The following FAM120A variants were observed in gnomAD, a reference collection of about 807,000 sequenced individuals.
FAM120A encodes the protein constitutive coactivator of PPAR-gamma-like protein 1.
In FAM120A, 15 loss-of-function variants were observed where a neutral mutation model predicts 109.7. The ratio of observed to expected loss-of-function variants is 0.14; its 90% CI spans 0.09 to 0.21. The LOEUF is 0.21. Among genes scored for constraint, FAM120A ranks in the 10% least tolerant of loss-of-function variants. The probability of loss-of-function intolerance (pLI) is 1.00; values close to 1 mark genes in which losing one functional copy is unlikely to be tolerated. For synonymous variants in FAM120A, 493 were observed against 572.8 expected, an observed-to-expected ratio of 0.86 and a Z score of 1.99; for missense variants, 899 against 1,439.3, an observed-to-expected ratio of 0.62 and a Z score of 6.07.
At position 93,529,109 on chromosome 9, in the gene FAM120A, C is replaced by G. The variant is rs543507196; in HGVS notation, c.1507-244C>G. ...ACAGAACAGCAGGGAGCAACAGGCC[C>G]GCTCTCCTGTGGCACAGTAGATGTT... On this transcript the variant is annotated intron_variant, in intron 8 of 17. Coordinates refer to ENST00000277165, the MANE Select transcript of FAM120A (RefSeq NM_014612.5). 3.3e-5 allele frequency among the ~76,000 whole-genome samples: 5 copies of G among 152,150 alleles called. No homozygotes were observed. In the East Asian group the frequency reaches 7.7e-4, roughly 23 times the overall value.
intron 1 of FAM120A, among the ~76,000 whole-genome samples, chr9:93,457,198 T>C (rs1163643432): frequency 1.3e-5 from 2 of 152,216 alleles, no homozygotes; most frequent in Non-Finnish European, 2.9e-5. Context: ...AATGCTTCTA[T>C]GAGCATAGTA....
rs550072707 is a variant in FAM120A, at chr9:93,457,357, C to T, written c.474+4968C>T. On this transcript the variant is annotated intron_variant, in intron 1 of 17. Coordinates refer to ENST00000277165, the MANE Select transcript of FAM120A (RefSeq NM_014612.5). Reference sequence around the variant, plus strand: ...GCTGTGTAGGCCATATATTTTATGTCATAAGTTATATAATATATATTATTA... The same window carrying T: ...GCTGTGTAGGCCATATATTTTATGTTATAAGTTATATAATATATATTATTA... Among the ~76,000 whole-genome samples, 12 of 151,566 alleles carry T rather than the reference C, an allele frequency of 7.9e-5. No individual in the cohort carries two copies. The South Asian group carries it at 2.5e-3, about 31-fold the overall frequency.
intron 15 of FAM120A, among the ~76,000 whole-genome samples, chr9:93,558,938 G>A (rs1432057227): frequency 1.3e-5 from 2 of 152,152 alleles, no homozygotes; most frequent in Admixed American, 1.3e-4. Context: ...TCCTTTCAGG[G>A]TAGACCACTG....
chr9:93,483,453 C>T (rs958307332), intron 3 of FAM120A, among the ~76,000 whole-genome samples: 6 of 151,858 alleles, frequency 4.0e-5, no homozygotes, highest in Admixed American at 3.3e-4. Flanking sequence ...TGACTGAACC[C>T]TCTGATTTTG....
In FAM120A at chr9:93,561,911, G is replaced by C. The variant is rs554694925; in HGVS notation, c.2949-297G>C. ...AGAGCATTTGACTGCAAATGCATTG[G>C]ATATGAACCAAAAAAATAAGATTGA... On this transcript the variant is annotated intron_variant, in intron 16 of 17. Transcript: ENST00000277165. Among the ~76,000 whole-genome samples, 3 of 152,202 alleles carry C rather than the reference G, an allele frequency of 2.0e-5. No homozygotes were observed. The East Asian group carries it at 5.8e-4, about 29-fold the overall frequency.
chr9:93,525,607 C>T (rs776817154), intron 7 of FAM120A, among the ~76,000 whole-genome samples: 2 of 152,200 alleles, frequency 1.3e-5, no homozygotes, highest in Admixed American at 1.3e-4. Flanking sequence ...TTGCCCCCTG[C>T]GTCTCCCAGC....
chr9:93,493,901 C>T (rs1859453028), intron 3 of FAM120A, among the ~76,000 whole-genome samples: 1 of 152,228 alleles, frequency 6.6e-6, no homozygotes, highest in South Asian at 2.1e-4. Flanking sequence ...CTCAGTGGGC[C>T]TGGCAGCCAT....
At chr9:93,558,845 TC>T in intron 15 of FAM120A, 127 bp downstream of exon 15, 1 of 1,095,876 alleles carries the variant, frequency 9.1e-7, no homozygotes, top group Non-Finnish European at 1.3e-6. Context: ...TTCTTCTGGG[TC>T]CCCGCTCTGA....
Position 93,561,119 on chromosome 9 carries a change from T to C in FAM120A, c.2817T>C (p.Pro939=). 1 of 1,613,718 alleles carries C rather than the reference T, an allele frequency of 6.2e-7. No homozygotes were observed. The highest frequency in any genetic ancestry group is 8.5e-7 in the Non-Finnish European group (1 of 1,179,986). ...ATATTTTTTATGCAGGAGTCCAACC[T>C]ATACCTTCTCAGGGAGGCAAACTAG... ...RTSKSQGGVQ[P]IPSQGGKLEI... is the part of the protein sequence containing the mutation. Residue 939 remains proline (P), a synonymous_variant, in exon 16 of 18, where the codon CCT becomes CCC. Transcript: ENST00000277165.
chr9:93,471,346 A>G lies in FAM120A; in HGVS notation c.680A>G (p.Asp227Gly), dbSNP rs1309906368. 5.6e-6 allele frequency: 9 copies of G among 1,614,238 alleles called. No homozygotes were observed. Among genetic ancestry groups the G allele is most frequent in the African/African-American group, 1.3e-5 (1 of 75,056 alleles). Residue 227 changes from aspartate to glycine, a missense_variant, in exon 2 of 18, where the codon GAC becomes GGC. By Grantham distance (94) the Asp-to-Gly change is moderately conservative. This residue lies in a region of FAM120A where 258 missense variants were observed against 451.4 expected (regional missense o/e 0.57). Coordinates refer to ENST00000277165, the MANE Select transcript of FAM120A (RefSeq NM_014612.5). ...YLMHEVAKQL[D>G]LNPNRFPIFA... ...ATGCATGAAGTTGCCAAGCAACTGG[A>G]CCTGAATCCAAATCGTTTTCCTATT... is the stretch of plus-strand genomic sequence containing the variant.
chr9:93,496,556 C>T (rs10821141), intron 3 of FAM120A, among the ~76,000 whole-genome samples: 42,525 of 152,124 alleles, frequency 0.28, 7,033 homozygotes, highest in East Asian at 0.44. Context: ...CGTCCAGCCT[C>T]GAGCATCTGA....
intron 3 of FAM120A, among the ~76,000 whole-genome samples, chr9:93,491,529 A>G (rs183157259): frequency 1.2e-4 from 18 of 152,366 alleles, no homozygotes; most frequent in Admixed American, 9.1e-4. Flanking sequence ...GCATGGAGAC[A>G]GTGATCAATT....
intron 5 of FAM120A, among the ~76,000 whole-genome samples, chr9:93,513,870 A>C (rs773317471): frequency 1.3e-5 from 2 of 152,126 alleles, no homozygotes; most frequent in Non-Finnish European, 2.9e-5. Flanking sequence ...AGCCATGGAC[A>C]TTTGCTTTTC....
At chr9:93,490,298 G>A (rs1442700559) in intron 3 of FAM120A, among the ~76,000 whole-genome samples, 1 of 152,180 alleles carries the variant, frequency 6.6e-6, no homozygotes, top group Non-Finnish European at 1.5e-5. Flanking sequence ...GAGACACTTT[G>A]GGAGCAGTGG....
chr9:93,540,848 A>AT (rs1194839615), intron 10 of FAM120A, among the ~76,000 whole-genome samples: 1 of 152,216 alleles, frequency 6.6e-6, no homozygotes, highest in Non-Finnish European at 1.5e-5. Flanking sequence ...TCTTCTACCA[A>AT]TAATTTTTTT....
intron 7 of FAM120A, among the ~76,000 whole-genome samples, chr9:93,518,111 A>G (rs77577891): frequency 2.4e-3 from 372 of 152,322 alleles, no homozygotes; most frequent in African/African-American, 8.3e-3. Flanking sequence ...TGAGGAATGC[A>G]GGGTACACCC....
Position 93,452,082 on chromosome 9 carries a change from G to A in FAM120A, c.167G>A (p.Arg56His). ...LLVDADNCLH[R>H]LYGGFYTDWV... ...GTGGACGCCGACAACTGCCTGCACC[G>A]CCTCTACGGCGGCTTCTACACCGAC... The change falls in exon 1 of 18, where the codon CGC becomes CAC. Residue 56 changes from arginine to histidine, a missense_variant. Transcript: ENST00000277165. The surrounding 1 kb of genome is among the most constrained non-coding windows in gnomAD (Gnocchi z 7.0). 6.2e-7 allele frequency: 1 copy of A among 1,607,134 alleles called. No individual in the cohort carries two copies. Among genetic ancestry groups the A allele is most frequent in the Non-Finnish European group, 8.5e-7 (1 of 1,177,846 alleles).
chr9:93,462,561 T>C (rs1438401955), intron 1 of FAM120A, among the ~76,000 whole-genome samples: 2 of 152,196 alleles, frequency 1.3e-5, no homozygotes, highest in Non-Finnish European at 2.9e-5. Context: ...AGATTATAGG[T>C]GTGAGCCACC....
chr9:93,469,651 A>G (rs1268262107), intron 1 of FAM120A, among the ~76,000 whole-genome samples: 3 of 152,218 alleles, frequency 2.0e-5, no homozygotes, highest in Non-Finnish European at 4.4e-5. Context: ...TTTAGCTGGT[A>G]TACAGTGTTT....
Sources: gnomAD v4.1 joint callset for allele counts (sites outside exome capture counted in the v4.1 genomes callset) on GRCh38, gnomAD v4.1.1 for gene constraint, gnomAD v4.1.1 regional missense constraint, Gnocchi (gnomAD v3.1) non-coding constraint, MANE v1.5 for transcripts, NCBI Gene and HGNC (gene_info 2026-07-23, HGNC 2026-07-21) for gene names.